LIFR: variants seen among roughly 807,000 people sequenced by gnomAD.
LIFR encodes the protein leukemia inhibitory factor receptor.
A neutral mutation model predicts 122.2 loss-of-function variants in LIFR; 84 were observed. That is an observed-to-expected ratio of 0.69 (90% confidence interval 0.58 to 0.82). LIFR has a LOEUF of 0.82. LIFR is among the 40% of genes least tolerant of loss of function. The pLI is 0.00. For synonymous variants in LIFR, 422 were observed against 434.7 expected, an observed-to-expected ratio of 0.97 and a Z score of 0.36; for missense variants, 1,294 against 1,311.6, an observed-to-expected ratio of 0.99 and a Z score of 0.21.
intron 1 of LIFR, among the ~76,000 whole-genome samples, chr5:38,571,274 G>A (rs992514208): frequency 1.3e-5 from 2 of 152,270 alleles, no homozygotes; most frequent in Admixed American, 1.3e-4. Context: ...CTAGTCGGCT[G>A]GGCACAGTGG....
At chr5:38,585,207 A>T (rs933804089) in intron 1 of LIFR, among the ~76,000 whole-genome samples, 12 of 152,222 alleles carry the variant, frequency 7.9e-5, no homozygotes, top group African/African-American at 2.7e-4. Context: ...CAACATACTG[A>T]CTTAACCAGC....
chr5:38,504,789 A>G (rs1192226724), intron 9 of LIFR, among the ~76,000 whole-genome samples: 1 of 152,214 alleles, frequency 6.6e-6, no homozygotes, highest in Non-Finnish European at 1.5e-5. Flanking sequence ...AAATGTAGCC[A>G]TGGTGACACT....
At chr5:38,589,717 A>AAT (rs1749861535) in intron 1 of LIFR, among the ~76,000 whole-genome samples, 1 of 99,194 alleles carries the variant, frequency 1.0e-5, no homozygotes, top group Non-Finnish European at 2.1e-5. Context: ...CAGAGAAGAA[A>AAT]ATGTGTGTGT....
intron 1 of LIFR, among the ~76,000 whole-genome samples, chr5:38,540,124 A>G (rs1214318680): frequency 6.6e-6 from 1 of 152,130 alleles, no homozygotes; most frequent in Non-Finnish European, 1.5e-5. Context: ...TCCCTATTCT[A>G]CCACTGAATA....
At chr5:38,541,337 A>G (rs1747580773) in intron 1 of LIFR, among the ~76,000 whole-genome samples, 1 of 152,238 alleles carries the variant, frequency 6.6e-6, no homozygotes, top group Non-Finnish European at 1.5e-5. Context: ...TAAGATGATC[A>G]ACAGTACTAA....
At chr5:38,529,028 C>G (rs975589316) in intron 2 of LIFR, among the ~76,000 whole-genome samples, 188 bp from the exon 3 acceptor site, 3 of 149,702 alleles carry the variant, frequency 2.0e-5, no homozygotes, top group African/African-American at 7.4e-5. Context: ...TGGGAGTGGA[C>G]TGGTTTTCTA....
chr5:38,510,612 C>T lies in LIFR; in HGVS notation c.843G>A (p.Leu281=). The T allele has an allele frequency of 1.2e-6, 2 of 1,614,050 alleles. No homozygotes were observed. Among genetic ancestry groups the T allele is most frequent in the Non-Finnish European group, 1.7e-6 (2 of 1,179,966 alleles). The part of the protein sequence containing the change: ...CVSQEKVLSA[L]IGHTNCPLIH... ...TCAAGGGGCAGTTTGTATGGCCAAT[C>T]AGTGCTGATAACACTTTTTCTTGAC... Residue 281 remains leucine, a synonymous_variant, in exon 7 of 20, where the codon CTG becomes CTA. Transcript: ENST00000453190.
At chr5:38,587,826 G>T (rs1031064919) in intron 1 of LIFR, among the ~76,000 whole-genome samples, 5 of 152,114 alleles carry the variant, frequency 3.3e-5, no homozygotes, top group Non-Finnish European at 7.3e-5. Flanking sequence ...CTTCATTCTA[G>T]TCGGGGCAAC....
chr5:38,544,662 C>T (rs139220074), intron 1 of LIFR, among the ~76,000 whole-genome samples: 15 of 152,294 alleles, frequency 9.8e-5, no homozygotes, highest in African/African-American at 3.6e-4. Flanking sequence ...CACATCAATA[C>T]CTAGAGGTAT....
chr5:38,493,511 G>T (rs1744708883), intron 14 of LIFR, 95 bp downstream of exon 14: 21 of 1,180,306 alleles, frequency 1.8e-5, no homozygotes, highest in Non-Finnish European at 2.5e-5. Context: ...TACCCATCCA[G>T]CAGTAAAGAG....
intron 7 of LIFR, among the ~76,000 whole-genome samples, chr5:38,509,160 T>C (rs1016247256): frequency 2.0e-5 from 3 of 152,208 alleles, no homozygotes; most frequent in Non-Finnish European, 2.9e-5. Context: ...ATGGAAACAG[T>C]GCACAGTCTC....
At chr5:38,598,256 T>G, upstream of LIFR, among the ~76,000 whole-genome samples, 1 of 60,148 alleles carries the variant, frequency 1.7e-5, no homozygotes, top group Non-Finnish European at 2.9e-5. Context: ...TTTTTTTTTT[T>G]TTTCTTTTTA....
intron 2 of LIFR, among the ~76,000 whole-genome samples, chr5:38,529,817 G>A (rs1746904938): frequency 6.6e-6 from 1 of 152,024 alleles, no homozygotes; most frequent in Non-Finnish European, 1.5e-5. Flanking sequence ...TTATATGACA[G>A]AAAAACAAAT....
chr5:38,554,568 A>G (rs1748412397), intron 1 of LIFR, among the ~76,000 whole-genome samples: 1 of 152,234 alleles, frequency 6.6e-6, no homozygotes, highest in African/African-American at 2.4e-5. Context: ...CTTAGATACC[A>G]ATGGAGACTG....
rs10637374 is a variant in LIFR, at chr5:38,528,849, G to GACACACACACAC, written c.143-21_143-10dup. ...CAAATCATGAGGAGCCCCTGGAGGA[G>GACACACACACAC]ACACACACACACACACACACACACA... is the stretch of plus-strand genomic sequence containing the variant. On this transcript the variant is annotated splice_polypyrimidine_tract_variant and intron_variant, in intron 2 of 19. Coordinates refer to ENST00000453190, the MANE Select transcript of LIFR (RefSeq NM_001127671.2). 74 of 921,672 alleles carry GACACACACACAC rather than the reference G, an allele frequency of 8.0e-5. No individual in the cohort carries two copies. In the African/African-American group the frequency reaches 1.3e-3, roughly 16 times the overall value. 57.1% of individuals were successfully genotyped at this position (921,672 alleles called of 1,614,324 possible).
At chr5:38,603,050 C>T (rs956831420) in intron 2 of LIFR, among the ~76,000 whole-genome samples, 7 of 152,108 alleles carry the variant, frequency 4.6e-5, no homozygotes, top group African/African-American at 1.4e-4. Context: ...GCACTGTGCA[C>T]GCGGGCCGCC....
upstream of LIFR, among the ~76,000 whole-genome samples, chr5:38,560,891 C>T (rs1405877073): frequency 6.6e-6 from 1 of 152,136 alleles, no homozygotes; most frequent in Admixed American, 6.5e-5. Flanking sequence ...CCACCACGCC[C>T]AGCCTGTCTT....
chr5:38,499,306 G>C (rs1414233352), intron 12 of LIFR, among the ~76,000 whole-genome samples: 1 of 152,146 alleles, frequency 6.6e-6, no homozygotes, highest in South Asian at 2.1e-4. Context: ...AGAAGGCTCA[G>C]ATCTGACACA....
In LIFR at chr5:38,601,815, C is replaced by G. The variant is rs548366658; in HGVS notation, n.305+4390G>C. ...ATGTATCTCTAGCCTAAACTCCAGA[C>G]CTGTAAGTCTACCTATAAATTAAAT... On this transcript the variant is annotated intron_variant and non_coding_transcript_variant, in intron 2 of 3. Transcript: ENST00000507786. Among the ~76,000 whole-genome samples the G allele has an allele frequency of 1.8e-4, 27 of 152,312 alleles. 1 individual carries two copies. In the South Asian group the frequency reaches 5.6e-3, roughly 32 times the overall value.
Sources: gnomAD v4.1 joint callset for allele counts (sites outside exome capture counted in the v4.1 genomes callset) on GRCh38, gnomAD v4.1.1 for gene constraint, MANE v1.5 for transcripts, NCBI Gene and HGNC (gene_info 2026-07-23, HGNC 2026-07-21) for gene names.